The following MBNL3 variants were observed in gnomAD, a reference collection of about 807,000 sequenced individuals.
The protein encoded by MBNL3 is muscleblind-like protein 3.
Under a neutral mutation model 24.5 loss-of-function variants are expected in MBNL3, and 6 were observed. The ratio of observed to expected loss-of-function variants is 0.25; its 90% CI spans 0.13 to 0.48. The LOEUF (loss-of-function observed/expected upper bound fraction) is 0.48, where lower values mean the gene tolerates loss of function less well. Among genes scored for constraint, MBNL3 ranks in the 20% least tolerant of loss-of-function variants. MBNL3 has a pLI of 0.99. For missense variants in MBNL3, 230 were observed against 293.5 expected (o/e 0.78, Z 1.58); for synonymous variants, 100 against 101.7 (o/e 0.98, Z 0.10).
intron 3 of MBNL3, among the ~76,000 whole-genome samples, chrX:132,400,950 C>A (rs1307280671): frequency 2.7e-5 from 3 of 111,786 alleles, no homozygotes; most frequent in Non-Finnish European, 3.8e-5. Flanking sequence ...TTGCAAAAAT[C>A]ATTTACAAAA....
chrX:132,486,567 A>G (rs1360501835), intron 1 of MBNL3, among the ~76,000 whole-genome samples: 4 of 112,352 alleles, frequency 3.6e-5, no homozygotes, highest in African/African-American at 1.3e-4. Context: ...CAACTAGGGG[A>G]ATGTACATTC....
At chrX:132,396,592 C>CTA (rs1415191937) in intron 3 of MBNL3, among the ~76,000 whole-genome samples, 2 of 40,901 alleles carry the variant, frequency 4.9e-5, no homozygotes, top group Admixed American at 4.2e-4. Flanking sequence ...ATATATATTC[C>CTA]TATATATATT....
chrX:132,401,204 T>A (rs1436190689), intron 3 of MBNL3, among the ~76,000 whole-genome samples: 1 of 112,209 alleles, frequency 8.9e-6, no homozygotes, highest in African/African-American at 3.2e-5. Context: ...TACTCTTTTT[T>A]ATAGCATAAA....
At chrX:132,406,099 G>T in intron 3 of MBNL3, 129 bp downstream of exon 3, 2 of 766,295 alleles carry the variant, frequency 2.6e-6, no homozygotes, top group Non-Finnish European at 3.9e-6. Flanking sequence ...CAAGTGCACA[G>T]CTCTGTAGTG....
rs1420339003 is a variant in MBNL3 at position 132,374,870 on chromosome X, G to C, written c.*4796C>G. ...AGAAAACAGAATTTTTGCAGCTACA[G>C]CTATGCCACTTGAATGGGGTAATTT... On this transcript the variant is annotated 3_prime_UTR_variant, in exon 9 of 9. Transcript: ENST00000370853. 8.9e-6 allele frequency: 1 copy of C among 111,819 alleles called. No individual in the cohort carries two copies. Among genetic ancestry groups the C allele is most frequent in the Non-Finnish European group, 1.9e-5 (1 of 53,001 alleles). 9.2% of individuals were successfully genotyped at this position (111,819 alleles called of 1,213,427 possible). A position where few individuals can be genotyped will look rare whatever the true frequency, so the allele number is the denominator to read the frequency against.
chrX:132,398,588 T>C (rs944308362), intron 3 of MBNL3, among the ~76,000 whole-genome samples: 2 of 111,829 alleles, frequency 1.8e-5, no homozygotes, highest in African/African-American at 6.5e-5. Context: ...GTGTCAATCA[T>C]ACCTCATTGA....
At chrX:132,445,443 A>G (rs1305086565) in intron 1 of MBNL3, among the ~76,000 whole-genome samples, 1 of 111,621 alleles carries the variant, frequency 9.0e-6, no homozygotes, top group Non-Finnish European at 1.9e-5. Flanking sequence ...CTGTCCAGAA[A>G]AAAAAAATTG....
chrX:132,381,382 C>G, intron 8 of MBNL3: 1 of 1,178,415 alleles, frequency 8.5e-7, no homozygotes, highest in Non-Finnish European at 1.1e-6. Flanking sequence ...ACTTCTACAT[C>G]TGTGAAACAA....
chrX:132,426,696 A>T (rs1460226968), intron 2 of MBNL3, among the ~76,000 whole-genome samples: 1 of 111,657 alleles, frequency 9.0e-6, no homozygotes, highest in African/African-American at 3.3e-5. Context: ...ACTGCTGAAT[A>T]TAATCCCAGT....
At chrX:132,419,605 G>C (rs367926639) in intron 2 of MBNL3, among the ~76,000 whole-genome samples, 15 of 111,456 alleles carry the variant, frequency 1.3e-4, no homozygotes, top group East Asian at 1.1e-3. Context: ...TTTCACAAAA[G>C]ACTACCCCAC....
At position 132,372,319 on chromosome X, in the gene MBNL3, T is replaced by C. The variant is rs1453337185; in HGVS notation, c.*7347A>G. 1 of 110,197 alleles carries C rather than the reference T, an allele frequency of 9.1e-6. No homozygotes were observed. Among genetic ancestry groups the C allele is most frequent in the Non-Finnish European group, 1.9e-5 (1 of 52,657 alleles). The allele number at this position is 110,197 out of a possible 1,213,427, so 9.1% of individuals were successfully genotyped here. A position where few individuals can be genotyped will look rare whatever the true frequency, so the allele number is the denominator to read the frequency against. On this transcript the variant is annotated 3_prime_UTR_variant, in exon 9 of 9. Transcript: ENST00000370853. ...CTCCATTTTTCACATTATTCCAAAT[T>C]GTTGTTATATGAATGCACAAAGTTA...
intron 1 of MBNL3, among the ~76,000 whole-genome samples, chrX:132,485,709 A>T (rs1280534270): frequency 8.9e-6 from 1 of 112,343 alleles, no homozygotes; most frequent in East Asian, 2.8e-4. Flanking sequence ...TGGTTAATTG[A>T]CAATTAAACA....
At chrX:132,445,180 A>G (rs1156425106) in intron 1 of MBNL3, among the ~76,000 whole-genome samples, 33 of 112,066 alleles carry the variant, frequency 2.9e-4, no homozygotes, top group African/African-American at 1.0e-3. Context: ...TTACATCTGT[A>G]TTACTTCTGA....
Position 132,376,142 on chromosome X carries a change from T to C in MBNL3, c.*3524A>G, listed in dbSNP as rs1251326706. On this transcript the variant is annotated 3_prime_UTR_variant, in exon 9 of 9. Transcript: ENST00000370853. Reference sequence around the variant, plus strand: ...ACCTAGTGGTATAGGACAACACTTATGGCAAGATCAAAGTGCTTCAGCATG... The same window carrying C: ...ACCTAGTGGTATAGGACAACACTTACGGCAAGATCAAAGTGCTTCAGCATG... The C allele has an allele frequency of 1.8e-5, 2 of 110,958 alleles. No individual in the cohort carries two copies. The highest frequency in any genetic ancestry group is 3.8e-5 in the Non-Finnish European group (2 of 52,835). The allele number at this position is 110,958 out of a possible 1,213,427, so 9.1% of individuals were successfully genotyped here.
intron 1 of MBNL3, among the ~76,000 whole-genome samples, chrX:132,461,133 A>G (rs771256371): frequency 8.9e-6 from 1 of 112,095 alleles, no homozygotes; most frequent in Non-Finnish European, 1.9e-5. Context: ...ATAAATACTT[A>G]CAAAATGATA....
intron 2 of MBNL3, among the ~76,000 whole-genome samples, chrX:132,419,236 A>G (rs1231482433): frequency 8.9e-6 from 1 of 112,379 alleles, no homozygotes. Context: ...GAGTTGGGTC[A>G]TGAGGGCTTA....
intron 1 of MBNL3, among the ~76,000 whole-genome samples, chrX:132,453,474 G>A (rs1351286346): frequency 9.0e-6 from 1 of 111,692 alleles, no homozygotes; most frequent in African/African-American, 3.3e-5. Flanking sequence ...ACATAAAAAG[G>A]TTGGGAAACA....
rs1363250000 is a variant in MBNL3 at position 132,371,099 on chromosome X, T to C, written c.*8567A>G. On this transcript the variant is annotated 3_prime_UTR_variant, in exon 9 of 9. Coordinates refer to ENST00000370853, the MANE Select transcript of MBNL3 (RefSeq NM_001386889.1). ...GACTCACAGAAACACCTACAAAACA[T>C]TAAACGGCTCAAAGTGGGCTTATCA... is the stretch of plus-strand genomic sequence containing the variant. 3.6e-5 allele frequency: 4 copies of C among 111,664 alleles called. No individual in the cohort carries two copies. The highest frequency in any genetic ancestry group is 7.5e-5 in the Non-Finnish European group (4 of 53,140). The allele number at this position is 111,664 out of a possible 1,213,427, so 9.2% of individuals were successfully genotyped here.
chrX:132,471,716 C>T lies in MBNL3; in HGVS notation c.-704+17135G>A, dbSNP rs770133373. On this transcript the variant is annotated intron_variant, in intron 1 of 8. Transcript: ENST00000370853. ...CATAAAATAAAAATAAATAAAAATACAATGTAACTGCAAGATACTACATAA... is the reference window on the plus strand; with the variant it reads ...CATAAAATAAAAATAAATAAAAATATAATGTAACTGCAAGATACTACATAA... Among the ~76,000 whole-genome samples, 42 of 112,295 alleles carry T rather than the reference C, an allele frequency of 3.7e-4. 4 individuals carry two copies. Among genetic ancestry groups the T allele is most frequent in the Admixed American group, 2.9e-3 (31 of 10,645 alleles).
Sources: gnomAD v4.1 joint callset for allele counts (sites outside exome capture counted in the v4.1 genomes callset) on GRCh38, gnomAD v4.1.1 for gene constraint, MANE v1.5 for transcripts, NCBI Gene and HGNC (gene_info 2026-07-23, HGNC 2026-07-21) for gene names.